KNDC1: variants seen among roughly 807,000 people sequenced by gnomAD.
KNDC1 encodes the protein kinase non-catalytic C-lobe domain containing 1.
KNDC1 carries 106 observed loss-of-function variants against 172.8 expected under a neutral mutation model. That is an observed-to-expected ratio of 0.61 (90% CI 0.52 to 0.72). KNDC1 has a LOEUF of 0.72. Ranked by LOEUF, KNDC1 falls within the 30% of genes least tolerant of loss-of-function variation. The pLI, the probability that KNDC1 is intolerant of heterozygous loss-of-function variation, is 0.00. For synonymous variants in KNDC1, 1,083 were observed against 1,062.2 expected, an observed-to-expected ratio of 1.02 and a Z score of -0.38; for missense variants, 2,325 against 2,394.5, an observed-to-expected ratio of 0.97 and a Z score of 0.61.
chr10:133,199,384 TTCATCAGCCACAA>T, intron 14 of KNDC1, 61 bp from the exon 15 acceptor site: 1 of 1,581,598 alleles, frequency 6.3e-7, no homozygotes, highest in East Asian at 2.2e-5. Context: ...CCTTGTCCGT[TTCATCAGCCACAA>T]GGGAACCAGA....
intron 3 of KNDC1, among the ~76,000 whole-genome samples, chr10:133,179,545 C>A (rs892105765): frequency 6.6e-6 from 1 of 152,196 alleles, no homozygotes; most frequent in East Asian, 1.9e-4. Flanking sequence ...GCTTCCTACC[C>A]CCTAGAGAGG....
At chr10:133,218,692 C>T (rs935827993) in intron 26 of KNDC1, 139 bp from the exon 27 acceptor site, 1 of 1,154,426 alleles carries the variant, frequency 8.7e-7, no homozygotes, top group East Asian at 2.4e-5. Context: ...CCTGCGTCCA[C>T]ACAGCCGCTT....
chr10:133,217,894 G>A (rs1235296874), intron 26 of KNDC1, among the ~76,000 whole-genome samples: 1 of 151,930 alleles, frequency 6.6e-6, no homozygotes, highest in African/African-American at 2.4e-5. Flanking sequence ...GACCAACATG[G>A]GGAAACCCTG....
chr10:133,207,028 A>C, intron 19 of KNDC1, 75 bp downstream of exon 19: 1 of 1,548,934 alleles, frequency 6.5e-7, no homozygotes, highest in South Asian at 1.1e-5. Flanking sequence ...TGGATGCTGT[A>C]AATCTGTCCG....
At chr10:133,214,939 A>C (rs1172694979) in intron 26 of KNDC1, among the ~76,000 whole-genome samples, 25 of 152,186 alleles carry the variant, frequency 1.6e-4, no homozygotes, top group Non-Finnish European at 3.7e-4. Flanking sequence ...AGGAGGCCAG[A>C]GTCCCCCAGC....
At chr10:133,161,289 C>G (rs948359706) in intron 1 of KNDC1, among the ~76,000 whole-genome samples, 1 of 152,160 alleles carries the variant, frequency 6.6e-6, no homozygotes, top group African/African-American at 2.4e-5. Context: ...CCAGAGGGAC[C>G]CTCACCCTCC....
At chr10:133,219,254 G>A (rs1845531793) in intron 28 of KNDC1, among the ~76,000 whole-genome samples, 164 bp downstream of exon 28, 1 of 152,222 alleles carries the variant, frequency 6.6e-6, no homozygotes, top group Non-Finnish European at 1.5e-5. Flanking sequence ...CTCCCGGCAG[G>A]GCCTCTGTTG....
intron 6 of KNDC1, among the ~76,000 whole-genome samples, chr10:133,188,325 T>C (rs1171951860): frequency 6.6e-6 from 1 of 152,146 alleles, no homozygotes; most frequent in East Asian, 1.9e-4. Flanking sequence ...CCGTGGGACG[T>C]TCCCACCCAC....
chr10:133,222,089 C>T (rs1298711445), intron 29 of KNDC1, among the ~76,000 whole-genome samples: 2 of 150,288 alleles, frequency 1.3e-5, no homozygotes, highest in Non-Finnish European at 3.0e-5. Context: ...CAAGACCAGC[C>T]TGGCCAACAT....
At chr10:133,166,327 G>A (rs900518462) in intron 1 of KNDC1, among the ~76,000 whole-genome samples, 10 of 152,226 alleles carry the variant, frequency 6.6e-5, no homozygotes, top group South Asian at 2.1e-4. Context: ...GGGGTGCCCC[G>A]GCCGGGGAGC....
intron 3 of KNDC1, among the ~76,000 whole-genome samples, chr10:133,172,398 C>G (rs1853403578): frequency 6.6e-6 from 1 of 152,196 alleles, no homozygotes; most frequent in Admixed American, 6.5e-5. Context: ...ATCATCCTTT[C>G]TTACATAGAA....
At chr10:133,207,596 C>T (rs780299215) in intron 20 of KNDC1, among the ~76,000 whole-genome samples, 1 of 152,248 alleles carries the variant, frequency 6.6e-6, no homozygotes. Context: ...TGGTGGTCCC[C>T]GGAGGTGCTG....
At chr10:133,175,989 C>T (rs1344135027) in intron 3 of KNDC1, among the ~76,000 whole-genome samples, 4 of 68,142 alleles carry the variant, frequency 5.9e-5, no homozygotes, top group South Asian at 9.5e-4. Flanking sequence ...TGGGTGAATG[C>T]ATGGATGGAT....
chr10:133,185,930 G>GTGGGAGGAGAGGGGAGGGA, intron 5 of KNDC1, 44 bp from the exon 6 acceptor site: 2 of 1,244,420 alleles, frequency 1.6e-6, no homozygotes, highest in South Asian at 1.4e-5. Flanking sequence ...GAGGGGAGGG[G>GTGGGAGGAGAGGGGAGGGA]CGGGAGGGGC....
At position 133,206,771 on chromosome 10, in the gene KNDC1, G is replaced by C; in HGVS notation, c.3474G>C (p.Arg1158Ser). The part of the protein sequence containing the change: ...FYQKLLQKEK[R>S]NKGSDVKTML... Reference sequence around the variant, plus strand: ...AGAAACTCTTACAGAAGGAAAAGAGGAACAAAGGTAAGGCCCCTGTGGGCA... The same window carrying C: ...AGAAACTCTTACAGAAGGAAAAGAGCAACAAAGGTAAGGCCCCTGTGGGCA... The change falls in exon 18 of 30, where the codon AGG becomes AGC. Residue 1158 changes from arginine (R) to serine (S), a missense_variant. Transcript: ENST00000304613. The C allele has an allele frequency of 6.2e-7, 1 of 1,614,092 alleles. No individual in the cohort carries two copies. The highest frequency in any genetic ancestry group is 8.5e-7 in the Non-Finnish European group (1 of 1,180,020).
At chr10:133,165,234 G>A (rs554225157) in intron 1 of KNDC1, among the ~76,000 whole-genome samples, 7 of 152,220 alleles carry the variant, frequency 4.6e-5, no homozygotes, top group East Asian at 3.9e-4. Context: ...ATTCAGACAC[G>A]CCCACCTCTC....
chr10:133,201,374 C>T lies in KNDC1; in HGVS notation c.2990-127C>T, dbSNP rs367690063. Reference sequence around the variant, plus strand: ...GCGGCAGCCGTGCCCGGGGGGCGCCCGTGGTGGGCGGGTGCAAGAGAGAAG... The same window carrying T: ...GCGGCAGCCGTGCCCGGGGGGCGCCTGTGGTGGGCGGGTGCAAGAGAGAAG... On this transcript the variant is annotated intron_variant, in intron 16 of 29. Coordinates refer to ENST00000304613, the MANE Select transcript of KNDC1 (RefSeq NM_152643.8). The T allele has an allele frequency of 3.2e-4, 341 of 1,055,948 alleles. No individual in the cohort carries two copies. The Middle Eastern group carries it at 4.6e-3, about 14-fold the overall frequency. The allele number at this position is 1,055,948 out of a possible 1,614,324, so 65.4% of individuals were successfully genotyped here.
rs1853245859 is a variant in KNDC1, at chr10:133,168,262, G to C, written c.310G>C (p.Glu104Gln). 6.2e-7 allele frequency: 1 copy of C among 1,614,172 alleles called. No homozygotes were observed. The highest frequency in any genetic ancestry group is 8.5e-7 in the Non-Finnish European group (1 of 1,180,020). ...TCTCTCTCCTCCCCAAGACGACCCT[G>C]AGGGTGCCTTCGTTCCCCCCGAGTT... ...CFMEQLSDDP[E>Q]GAFVPPEFDV... Residue 104 changes from glutamate to glutamine, a missense_variant, in exon 3 of 30, where the codon GAG becomes CAG. Transcript: ENST00000304613.
intron 1 of KNDC1, among the ~76,000 whole-genome samples, chr10:133,161,875 G>T (rs1005266458): frequency 4.3e-4 from 65 of 152,198 alleles, no homozygotes; most frequent in Admixed American, 1.1e-3. Context: ...GGGCCTCCCC[G>T]CTCCGCACAC....
Sources: gnomAD v4.1 joint callset for allele counts (sites outside exome capture counted in the v4.1 genomes callset) on GRCh38, gnomAD v4.1.1 for gene constraint, MANE v1.5 for transcripts, NCBI Gene and HGNC (gene_info 2026-07-23, HGNC 2026-07-21) for gene names.